Variants in ASTL observed in about 807,000 individuals in gnomAD.
ASTL encodes the protein astacin like metalloendopeptidase, also known as astacin-like metalloendopeptidase.
In ASTL, 27 loss-of-function variants were observed where a neutral mutation model predicts 36.7. That is an observed-to-expected ratio of 0.73 (90% CI 0.54 to 1.01). The LOEUF (loss-of-function observed/expected upper bound fraction) is 1.01, where lower values mean the gene tolerates loss of function less well. ASTL is among the 50% of genes least tolerant of loss of function. The pLI, the probability that ASTL is intolerant of heterozygous loss-of-function variation, is 0.00. For missense variants in ASTL, 524 were observed against 572.8 expected, an observed-to-expected ratio of 0.91 and a Z score of 0.87; for synonymous variants, 222 against 228.1, an observed-to-expected ratio of 0.97 and a Z score of 0.24.
At position 96,131,221 on chromosome 2, in the gene ASTL, C is replaced by T. The variant is rs929873049; in HGVS notation, c.638-1076G>A. 3.3e-5 allele frequency among the ~76,000 whole-genome samples: 5 copies of T among 152,154 alleles called. No individual in the cohort carries two copies. In the South Asian group the frequency reaches 6.2e-4, roughly 19 times the overall value. ...GCTCAATTTGTTCTGTTTACTGATA[C>T]GTAAGTCTACACATTTTCTCTGAGC... On this transcript the variant is annotated intron_variant, in intron 6 of 8. Transcript: ENST00000342380.
Sources: allele counts gnomAD v4.1 joint callset (sites outside exome capture counted in the v4.1 genomes callset), GRCh38; gene constraint gnomAD v4.1.1; transcripts MANE v1.5; gene names NCBI Gene and HGNC (gene_info 2026-07-23, HGNC 2026-07-21).